Variants in PTPRR observed in about 807,000 individuals in gnomAD.
The protein encoded by PTPRR is receptor-type tyrosine-protein phosphatase R.
A neutral mutation model predicts 77.2 loss-of-function variants in PTPRR; 38 were observed. The observed-to-expected ratio is 0.49, with a 90% confidence interval of 0.38 to 0.65. PTPRR has a LOEUF of 0.65. PTPRR is among the 30% of genes least tolerant of loss of function. The pLI is 0.00. For missense variants in PTPRR, 744 were observed against 799.2 expected (o/e 0.93, Z 0.83); for synonymous variants, 299 against 283.1 (o/e 1.06, Z -0.57).
chr12:70,893,066 G>T, intron 1 of PTPRR, 89 bp from the exon 2 acceptor site: 1 of 1,382,536 alleles, frequency 7.2e-7, no homozygotes, highest in Non-Finnish European at 9.9e-7. Flanking sequence ...ACCCTTTCTT[G>T]AGAGGCTTTA....
At chr12:70,910,229 T>C (rs1387992114) in intron 1 of PTPRR, among the ~76,000 whole-genome samples, 1 of 152,194 alleles carries the variant, frequency 6.6e-6, no homozygotes, top group East Asian at 1.9e-4. Context: ...CCAGGTTCCA[T>C]GCTGCAGGGT....
intron 6 of PTPRR, among the ~76,000 whole-genome samples, chr12:70,737,339 A>T (rs1318364345): frequency 1.3e-5 from 2 of 151,974 alleles, no homozygotes; most frequent in Non-Finnish European, 2.9e-5. Context: ...CATCTTCTCA[A>T]CACATCATTT....
At chr12:70,915,670 A>T (rs1893764933) in intron 1 of PTPRR, among the ~76,000 whole-genome samples, 1 of 152,196 alleles carries the variant, frequency 6.6e-6, no homozygotes. Flanking sequence ...CTGGTCTAAC[A>T]CAAACCCATC....
chr12:70,868,877 CT>C (rs1276240318), intron 2 of PTPRR, among the ~76,000 whole-genome samples: 19 of 151,800 alleles, frequency 1.3e-4, no homozygotes, highest in Non-Finnish European at 8.8e-5. Flanking sequence ...AGTTCATGTC[CT>C]TTGTAGGGAC....
At chr12:70,717,188 A>G (rs1889063547) in intron 6 of PTPRR, among the ~76,000 whole-genome samples, 1 of 152,034 alleles carries the variant, frequency 6.6e-6, no homozygotes, top group African/African-American at 2.4e-5. Context: ...TATCTGGACA[A>G]CTCTTAATTT....
intron 6 of PTPRR, among the ~76,000 whole-genome samples, chr12:70,720,520 T>G (rs1161649811): frequency 6.6e-6 from 1 of 151,490 alleles, no homozygotes; most frequent in African/African-American, 2.4e-5. Context: ...TTTTTTTTTT[T>G]TTTTTTTTTG....
At chr12:70,706,516 G>C (rs1888624979) in intron 6 of PTPRR, among the ~76,000 whole-genome samples, 1 of 152,014 alleles carries the variant, frequency 6.6e-6, no homozygotes, top group Non-Finnish European at 1.5e-5. Flanking sequence ...TTTTAACATA[G>C]AGAACATTTT....
chr12:70,713,251 A>G (rs1888897587), intron 6 of PTPRR, among the ~76,000 whole-genome samples: 1 of 152,182 alleles, frequency 6.6e-6, no homozygotes, highest in Non-Finnish European at 1.5e-5. Context: ...ATGGCACAAT[A>G]TAGTCCATTG....
At chr12:70,750,653 T>C (rs925408815) in intron 5 of PTPRR, among the ~76,000 whole-genome samples, 2 of 152,194 alleles carry the variant, frequency 1.3e-5, no homozygotes, top group African/African-American at 2.4e-5. Flanking sequence ...CTAATCCTAT[T>C]AGGTAGTACT....
intron 6 of PTPRR, among the ~76,000 whole-genome samples, chr12:70,723,068 A>G (rs774039316): frequency 3.2e-4 from 48 of 152,196 alleles, no homozygotes; most frequent in Non-Finnish European, 5.1e-4. Flanking sequence ...CCACTGATTA[A>G]TTTGTCTTAA....
intron 4 of PTPRR, 174 bp from the exon 5 acceptor site, chr12:70,754,475 C>T: frequency 1.9e-6 from 3 of 1,559,598 alleles, no homozygotes; most frequent in South Asian, 2.4e-5. Context: ...GACTGCCATC[C>T]TTATATATCG....
intron 2 of PTPRR, among the ~76,000 whole-genome samples, chr12:70,873,549 T>C (rs1029911160): frequency 5.9e-5 from 9 of 152,168 alleles, no homozygotes; most frequent in African/African-American, 2.2e-4. Flanking sequence ...ATGCAACGTC[T>C]TTAAGAGAAC....
chr12:70,690,652 A>G (rs1004605637), intron 8 of PTPRR, among the ~76,000 whole-genome samples: 1 of 152,056 alleles, frequency 6.6e-6, no homozygotes, highest in African/African-American at 2.4e-5. Context: ...AGTCTTTTTC[A>G]CTATTTGGAA....
At chr12:70,911,687 G>T (rs2137136967) in intron 1 of PTPRR, among the ~76,000 whole-genome samples, 1 of 137,934 alleles carries the variant, frequency 7.2e-6, no homozygotes. Context: ...CTACAAACCT[G>T]CACATATGGT....
At chr12:70,838,873 T>G (rs1298657496) in intron 2 of PTPRR, among the ~76,000 whole-genome samples, 1 of 152,146 alleles carries the variant, frequency 6.6e-6, no homozygotes, top group East Asian at 1.9e-4. Flanking sequence ...CCCAGATTGC[T>G]AATTAATCCT....
chr12:70,658,435 C>T (rs1351725358), intron 12 of PTPRR, among the ~76,000 whole-genome samples: 2 of 152,164 alleles, frequency 1.3e-5, no homozygotes, highest in African/African-American at 4.8e-5. Context: ...TCTCTTTTAG[C>T]TGAAGTGTCC....
At chr12:70,764,530 T>C (rs1890767907) in intron 3 of PTPRR, 135 bp downstream of exon 3, 1 of 690,376 alleles carries the variant, frequency 1.4e-6, no homozygotes. Context: ...GCTTGTTTCA[T>C]AAAATTTTAT....
At chr12:70,751,282 A>G (rs897140953) in intron 5 of PTPRR, among the ~76,000 whole-genome samples, 2 of 152,020 alleles carry the variant, frequency 1.3e-5, no homozygotes, top group Non-Finnish European at 2.9e-5. Flanking sequence ...TGTCGGTTCT[A>G]CTTTCAAATA....
chr12:70,786,852 T>C (rs984094566), intron 2 of PTPRR, among the ~76,000 whole-genome samples: 1 of 152,210 alleles, frequency 6.6e-6, no homozygotes, highest in South Asian at 2.1e-4. Flanking sequence ...TTAATGTCTT[T>C]CAACTTTTTT....
Sources: allele counts gnomAD v4.1 joint callset (sites outside exome capture counted in the v4.1 genomes callset), GRCh38; gene constraint gnomAD v4.1.1; transcripts MANE v1.5; gene names NCBI Gene and HGNC (gene_info 2026-07-23, HGNC 2026-07-21).